Variants in SPATA6 observed in about 807,000 individuals in gnomAD.
SPATA6 encodes spermatogenesis associated 6, also known as spermatogenesis-associated protein 6.
In SPATA6, 56 loss-of-function variants were observed where a neutral mutation model predicts 65.3. The ratio of observed to expected loss-of-function variants is 0.86; its 90% CI spans 0.69 to 1.07. The LOEUF (loss-of-function observed/expected upper bound fraction) is 1.07, where lower values mean the gene tolerates loss of function less well. SPATA6 is among the 50% of genes least tolerant of loss of function. SPATA6 has a pLI of 0.00. For missense variants in SPATA6, 590 were observed against 594.8 expected, an observed-to-expected ratio of 0.99 and a Z score of 0.08; for synonymous variants, 199 against 213.2, an observed-to-expected ratio of 0.93 and a Z score of 0.58.
chr1:48,316,827 A>C (rs1049529278), intron 11 of SPATA6, among the ~76,000 whole-genome samples: 2 of 152,228 alleles, frequency 1.3e-5, no homozygotes, highest in African/African-American at 4.8e-5. Flanking sequence ...AACTAAAACA[A>C]ATTTACAAGA....
At chr1:48,401,556 C>T (rs1651165605) in intron 6 of SPATA6, among the ~76,000 whole-genome samples, 1 of 152,084 alleles carries the variant, frequency 6.6e-6, no homozygotes, top group Non-Finnish European at 1.5e-5. Context: ...AGAGACACTT[C>T]AAAAGTGCTT....
At chr1:48,322,446 A>C (rs1248998137) in intron 11 of SPATA6, among the ~76,000 whole-genome samples, 1 of 152,124 alleles carries the variant, frequency 6.6e-6, no homozygotes, top group African/African-American at 2.4e-5. Context: ...TTACATGTAA[A>C]ACCTAAAACC....
chr1:48,331,240 T>C (rs1166360793), intron 11 of SPATA6, among the ~76,000 whole-genome samples: 1 of 151,826 alleles, frequency 6.6e-6, no homozygotes, highest in Non-Finnish European at 1.5e-5. Context: ...ATGGCTGAAA[T>C]GACAGAAATA....
chr1:48,373,540 A>G (rs1205654862), intron 9 of SPATA6, among the ~76,000 whole-genome samples: 3 of 152,190 alleles, frequency 2.0e-5, no homozygotes. Context: ...ACCCAGTTCC[A>G]AAGTCGCTTC....
At chr1:48,343,008 T>C (rs1488431009) in intron 11 of SPATA6, among the ~76,000 whole-genome samples, 1 of 152,182 alleles carries the variant, frequency 6.6e-6, no homozygotes, top group Non-Finnish European at 1.5e-5. Context: ...TCTGCATCTG[T>C]GGAGGAGAGC....
At chr1:48,431,025 G>A (rs578104808) in intron 3 of SPATA6, among the ~76,000 whole-genome samples, 8 of 152,166 alleles carry the variant, frequency 5.3e-5, no homozygotes, top group Admixed American at 2.0e-4. Context: ...TCTACAAGGC[G>A]CTCATTTTAG....
intron 12 of SPATA6, among the ~76,000 whole-genome samples, chr1:48,299,516 G>GGAAAAAAAAAAAAAAAAAAA: frequency 2.6e-5 from 1 of 38,188 alleles, no homozygotes; most frequent in Non-Finnish European, 4.8e-5. Context: ...CTCCGTCTCG[G>GGAAAAAAAAAAAAAAAAAAA]AAAAAAAAAA....
At chr1:48,329,573 T>C (rs1014445236) in intron 11 of SPATA6, among the ~76,000 whole-genome samples, 14 of 152,224 alleles carry the variant, frequency 9.2e-5, no homozygotes, top group Non-Finnish European at 1.9e-4. Flanking sequence ...AATTCTATAC[T>C]TGTGTTTAAA....
chr1:48,299,688 C>G (rs1202253209), intron 12 of SPATA6, among the ~76,000 whole-genome samples: 1 of 151,918 alleles, frequency 6.6e-6, no homozygotes, highest in Non-Finnish European at 1.5e-5. Context: ...AATTTAAACA[C>G]AGACGTTATT....
intron 3 of SPATA6, among the ~76,000 whole-genome samples, chr1:48,435,293 A>C (rs1570566887): frequency 6.6e-6 from 1 of 152,216 alleles, no homozygotes; most frequent in Non-Finnish European, 1.5e-5. Context: ...ACCAAGCAGC[A>C]CTCTGTAAAA....
intron 9 of SPATA6, among the ~76,000 whole-genome samples, chr1:48,369,703 G>T (rs926838022): frequency 2.4e-4 from 37 of 152,324 alleles, no homozygotes; most frequent in Admixed American, 2.2e-3. Context: ...ATTAGGAAAG[G>T]GAACTCCCTG....
rs147140882 is a variant in SPATA6, at chr1:48,409,995, T to C, written c.405+1469A>G. ...GATTAACATTCAGCTCCTTGTTACT[T>C]ATGCAAATTTCTACAGCTGGCTTGA... On this transcript the variant is annotated intron_variant, in intron 5 of 12. Transcript: ENST00000371847. Among the ~76,000 whole-genome samples, 864 of 152,388 alleles carry C rather than the reference T, an allele frequency of 5.7e-3. 11 individuals carry two copies. The highest frequency in any genetic ancestry group is 0.02 in the African/African-American group (842 of 41,596).
intron 5 of SPATA6, among the ~76,000 whole-genome samples, chr1:48,408,747 T>A (rs1651937007): frequency 6.6e-6 from 1 of 152,170 alleles, no homozygotes; most frequent in Non-Finnish European, 1.5e-5. Flanking sequence ...CTTACATGGA[T>A]GGTGGCAGAC....
At chr1:48,268,312 G>GTA in the SPATA6 span, among the ~76,000 whole-genome samples, 2 of 144,732 alleles carry the variant, frequency 1.4e-5, no homozygotes, top group Admixed American at 1.4e-4. Context: ...ATATGTGTGT[G>GTA]TGTGTGTGTG....
chr1:48,423,202 AT>A (rs1247525225), intron 3 of SPATA6, among the ~76,000 whole-genome samples: 2 of 152,178 alleles, frequency 1.3e-5, no homozygotes, highest in African/African-American at 2.4e-5. Context: ...CACACCTGTA[AT>A]CCCAGCACTT....
At chr1:48,402,551 A>C (rs1004233627) in intron 6 of SPATA6, 4 of 152,230 alleles carry the variant, frequency 2.6e-5, no homozygotes, top group Non-Finnish European at 5.9e-5. Context: ...AAAGATAAAT[A>C]ACTACAGCCT....
chr1:48,311,354 A>G (rs1027518959), intron 11 of SPATA6, among the ~76,000 whole-genome samples: 8 of 152,180 alleles, frequency 5.3e-5, no homozygotes, highest in Non-Finnish European at 1.2e-4. Context: ...GAAAAATGGG[A>G]CATTACTAGA....
At chr1:48,465,383 C>T (rs1017511166) in intron 1 of SPATA6, among the ~76,000 whole-genome samples, 25 of 152,212 alleles carry the variant, frequency 1.6e-4, no homozygotes, top group Admixed American at 2.6e-4. Context: ...TAAGCAACTA[C>T]GTTTGTGATA....
chr1:48,287,054 A>AG, the SPATA6 span, among the ~76,000 whole-genome samples: 24 of 148,080 alleles, frequency 1.6e-4, no homozygotes, highest in Admixed American at 1.3e-3. Flanking sequence ...AAAAAAAAAA[A>AG]GGGAGGTTTA....
Sources: gnomAD v4.1 joint callset for allele counts (sites outside exome capture counted in the v4.1 genomes callset) on GRCh38, gnomAD v4.1.1 for gene constraint, MANE v1.5 for transcripts, NCBI Gene and HGNC (gene_info 2026-07-23, HGNC 2026-07-21) for gene names.